Variants in NCAM1 observed in about 807,000 individuals in gnomAD.
The protein encoded by NCAM1 is neural cell adhesion molecule 1, also known as antigen recognized by monoclonal antibody 5.1H11.
A neutral mutation model predicts 109.8 loss-of-function variants in NCAM1; 14 were observed. The ratio of observed to expected loss-of-function variants is 0.13; its 90% CI spans 0.08 to 0.20. The LOEUF (loss-of-function observed/expected upper bound fraction) is 0.20. Among genes scored for constraint, NCAM1 ranks in the 10% least tolerant of loss-of-function variants. The probability of loss-of-function intolerance (pLI) is 1.00; values close to 1 mark genes in which losing one functional copy is unlikely to be tolerated. For missense variants in NCAM1, 774 were observed against 1,109.9 expected, an observed-to-expected ratio of 0.70 and a Z score of 4.30; for synonymous variants, 418 against 442.9, an observed-to-expected ratio of 0.94 and a Z score of 0.70.
chr11:113,189,286 C>A (rs1304179233), intron 1 of NCAM1, among the ~76,000 whole-genome samples: 12 of 151,752 alleles, frequency 7.9e-5, no homozygotes, highest in Admixed American at 7.9e-4. Context: ...CCCGTCTGTA[C>A]TAAAAATGCA....
At chr11:113,026,352 G>A (rs914533006) in intron 1 of NCAM1, among the ~76,000 whole-genome samples, 1 of 152,058 alleles carries the variant, frequency 6.6e-6, no homozygotes, top group Non-Finnish European at 1.5e-5. Context: ...GATTTTCACC[G>A]GCTACTTTGC....
intron 1 of NCAM1, among the ~76,000 whole-genome samples, chr11:113,076,402 GC>G (rs1938527871): frequency 6.6e-6 from 1 of 152,118 alleles, no homozygotes; most frequent in Admixed American, 6.5e-5. Flanking sequence ...CATAGCCATG[GC>G]CCCTCTAGGC....
chr11:113,268,196 G>A (rs1946179640), intron 17 of NCAM1, among the ~76,000 whole-genome samples: 1 of 152,198 alleles, frequency 6.6e-6, no homozygotes, highest in Admixed American at 6.5e-5. Flanking sequence ...GAATGTGTGA[G>A]GACTCTGGGG....
At chr11:113,034,141 A>C (rs1952795201) in intron 1 of NCAM1, among the ~76,000 whole-genome samples, 1 of 152,224 alleles carries the variant, frequency 6.6e-6, no homozygotes. Context: ...ATGAGGCCAC[A>C]GCTTAACTCA....
intron 1 of NCAM1, among the ~76,000 whole-genome samples, chr11:113,081,114 G>A (rs1555087096): frequency 6.6e-6 from 1 of 152,208 alleles, no homozygotes; most frequent in African/African-American, 2.4e-5. Context: ...AAGCTAAGTG[G>A]AGGGAGAGAT....
At chr11:113,271,630 A>T in intron 18 of NCAM1, 130 bp from the exon 19 acceptor site, 1 of 611,468 alleles carries the variant, frequency 1.6e-6, no homozygotes, top group South Asian at 2.2e-5. Flanking sequence ...TTGGGCTGAG[A>T]CTTATACATT....
At chr11:113,070,136 T>A (rs60379812) in intron 1 of NCAM1, among the ~76,000 whole-genome samples, 2,308 of 152,238 alleles carry the variant, frequency 0.015, 58 homozygotes, top group African/African-American at 0.052. Flanking sequence ...AGGATAAGCC[T>A]AGTGTCATTG....
intron 1 of NCAM1, chr11:113,130,638 T>C (rs1361677082): frequency 6.6e-6 from 1 of 152,204 alleles, no homozygotes; most frequent in Non-Finnish European, 1.5e-5. Flanking sequence ...GTTATTTTAT[T>C]TGATCTTTCA....
rs896387630 is a variant in NCAM1 at position 113,034,870 on chromosome 11, G to T, written c.52+73206G>T. ...ATGAGAAATTCAGGGCTGAAAAATA[G>T]TTTCTATTCTCCTTAGACATTTAAA... On this transcript the variant is annotated intron_variant, in intron 1 of 19. Coordinates refer to ENST00000316851, the MANE Select transcript of NCAM1 (RefSeq NM_181351.5). 3.3e-5 allele frequency among the ~76,000 whole-genome samples: 5 copies of T among 152,176 alleles called. 1 individual carries two copies. The highest frequency in any genetic ancestry group is 3.3e-4 in the Admixed American group (5 of 15,292).
At chr11:113,204,227 G>T in intron 2 of NCAM1, 59 bp from the exon 3 acceptor site, 1 of 1,402,558 alleles carries the variant, frequency 7.1e-7, no homozygotes, top group Non-Finnish European at 9.8e-7. Flanking sequence ...TGTCAGTCTG[G>T]AGGGGACTTA....
At chr11:113,162,810 G>A (rs535052080) in intron 1 of NCAM1, among the ~76,000 whole-genome samples, 1 of 152,270 alleles carries the variant, frequency 6.6e-6, no homozygotes, top group Non-Finnish European at 1.5e-5. Flanking sequence ...GTGGAGACGC[G>A]ATCTCATTAA....
At chr11:112,997,658 G>A (rs907634040) in intron 1 of NCAM1, among the ~76,000 whole-genome samples, 5 of 152,048 alleles carry the variant, frequency 3.3e-5, no homozygotes, top group Admixed American at 1.3e-4. Context: ...CTTTCTCTCT[G>A]TGTGGCTGGA....
At chr11:112,970,583 A>G (rs997682931) in intron 1 of NCAM1, among the ~76,000 whole-genome samples, 5 of 152,212 alleles carry the variant, frequency 3.3e-5, no homozygotes, top group East Asian at 1.9e-4. Flanking sequence ...AAGTGAATTT[A>G]TATCAGTTAT....
chr11:113,206,377 T>A (rs1378048862), intron 5 of NCAM1, among the ~76,000 whole-genome samples, 197 bp downstream of exon 5: 2 of 151,908 alleles, frequency 1.3e-5, no homozygotes, highest in East Asian at 3.9e-4. Flanking sequence ...CTGTTGGATC[T>A]TCCTTCAACT....
At chr11:113,254,705 T>G (rs1022804639) in intron 15 of NCAM1, among the ~76,000 whole-genome samples, 24 of 152,204 alleles carry the variant, frequency 1.6e-4, no homozygotes, top group African/African-American at 5.5e-4. Flanking sequence ...TTTGTGGCTC[T>G]TCTGTCACAC....
intron 1 of NCAM1, among the ~76,000 whole-genome samples, chr11:113,031,691 A>T (rs200356443): frequency 1.8e-4 from 27 of 151,572 alleles, no homozygotes; most frequent in African/African-American, 6.3e-4. Context: ...TGTCTCAAAA[A>T]AAAAAGAAAA....
At chr11:113,072,755 A>G (rs1448945823) in intron 1 of NCAM1, among the ~76,000 whole-genome samples, 7 of 148,264 alleles carry the variant, frequency 4.7e-5, no homozygotes, top group Admixed American at 2.0e-4. Context: ...TAACTTTGCT[A>G]TAGTAAACTT....
At chr11:113,042,653 C>A (rs1953118901) in intron 1 of NCAM1, among the ~76,000 whole-genome samples, 3 of 152,190 alleles carry the variant, frequency 2.0e-5, no homozygotes, top group Admixed American at 2.0e-4. Flanking sequence ...ACACATCCAT[C>A]ACCTTCCTTC....
intron 1 of NCAM1, among the ~76,000 whole-genome samples, chr11:112,998,326 G>C (rs980282807): frequency 6.6e-6 from 1 of 152,180 alleles, no homozygotes; most frequent in African/African-American, 2.4e-5. Context: ...GGTAGTGTCT[G>C]ATTGAGAGTC....
Sources: allele counts gnomAD v4.1 joint callset (sites outside exome capture counted in the v4.1 genomes callset), GRCh38; gene constraint gnomAD v4.1.1; transcripts MANE v1.5; gene names NCBI Gene and HGNC (gene_info 2026-07-23, HGNC 2026-07-21).